STAU1: variants seen among roughly 807,000 people sequenced by gnomAD.
The protein encoded by STAU1 is staufen double-stranded RNA binding protein 1.
Under a neutral mutation model 62.9 loss-of-function variants are expected in STAU1, and 13 were observed. The ratio of observed to expected loss-of-function variants is 0.21; its 90% CI spans 0.13 to 0.33. The LOEUF (loss-of-function observed/expected upper bound fraction) is 0.33. Ranked by LOEUF, STAU1 falls within the 10% of genes least tolerant of loss-of-function variation. STAU1 has a pLI of 1.00. For missense variants in STAU1, 571 were observed against 712.1 expected (o/e 0.80, Z 2.25); for synonymous variants, 269 against 265.1 (o/e 1.01, Z -0.14).
intron 7 of STAU1, 97 bp from the exon 8 acceptor site, chr20:49,123,332 G>T (rs1568827047): frequency 6.5e-7 from 1 of 1,533,246 alleles, no homozygotes; most frequent in East Asian, 2.3e-5. Context: ...AGAGATTTTG[G>T]GTTGACCTAA....
chr20:49,115,439 T>C (rs1274189121), intron 13 of STAU1, among the ~76,000 whole-genome samples: 1 of 152,120 alleles, frequency 6.6e-6, no homozygotes, highest in African/African-American at 2.4e-5. Context: ...TAGCTGGGAT[T>C]ACAGGTGCCT....
intron 1 of STAU1, among the ~76,000 whole-genome samples, chr20:49,177,391 T>C (rs1204815359): frequency 3.3e-5 from 5 of 151,478 alleles, no homozygotes; most frequent in Admixed American, 3.3e-4. Flanking sequence ...AATTTAAAAA[T>C]TTAAGGGCCG....
At position 49,114,894 on chromosome 20, in the gene STAU1, C is replaced by G; in HGVS notation, c.1719-1G>C. ...AGAAAAGGTTCAGCACCTCCCACAC[C>G]TTTAAGGAAGAAAAATGAAAATGAC... On this transcript the variant is annotated splice_acceptor_variant, in intron 13 of 13. Coordinates refer to ENST00000371856, the MANE Select transcript of STAU1 (RefSeq NM_017453.4). LOFTEE classifies it high-confidence loss of function. The G allele has an allele frequency of 6.2e-7, 1 of 1,613,300 alleles. No homozygotes were observed. The highest frequency in any genetic ancestry group is 8.5e-7 in the Non-Finnish European group (1 of 1,179,540).
chr20:49,217,470 A>C, the STAU1 span, among the ~76,000 whole-genome samples: 3 of 152,114 alleles, frequency 2.0e-5, no homozygotes, highest in Non-Finnish European at 2.9e-5. Flanking sequence ...ACAAAGAACC[A>C]AGAACAAAAA....
chr20:49,140,176 CAA>C (rs879927630), intron 5 of STAU1, among the ~76,000 whole-genome samples: 1 of 122,874 alleles, frequency 8.1e-6, no homozygotes, highest in Admixed American at 8.2e-5. Context: ...GACTCCGTCT[CAA>C]AAAAAAAAAA....
At chr20:49,149,775 A>G (rs1408489438) in intron 5 of STAU1, among the ~76,000 whole-genome samples, 1 of 152,194 alleles carries the variant, frequency 6.6e-6, no homozygotes, top group African/African-American at 2.4e-5. Flanking sequence ...GAAAATGGAA[A>G]TGCAGCGTAA....
At position 49,157,520 on chromosome 20, in the gene STAU1, G is replaced by A. The variant is rs559861532; in HGVS notation, c.206-3449C>T. On this transcript the variant is annotated intron_variant, in intron 3 of 13. Transcript: ENST00000371856. Reference sequence around the variant, plus strand: ...TTTTTTGAGACAGTCTTGCTCTGTCGCCAGGCTGGAGTGTAGTGGCATGAT... The same window carrying A: ...TTTTTTGAGACAGTCTTGCTCTGTCACCAGGCTGGAGTGTAGTGGCATGAT... Among the ~76,000 whole-genome samples, 7 of 150,902 alleles carry A rather than the reference G, an allele frequency of 4.6e-5. No homozygotes were observed. In the East Asian group the frequency reaches 5.9e-4, roughly 13 times the overall value.
In STAU1 at chr20:49,129,660, A is replaced by G. The variant is rs1164528726; in HGVS notation, c.610-5073T>C. Among the ~76,000 whole-genome samples the G allele has an allele frequency of 1.4e-4, 18 of 131,478 alleles. 1 individual carries two copies. The highest frequency in any genetic ancestry group is 5.2e-4 in the African/African-American group (17 of 32,932). 86.3% of individuals were successfully genotyped at this position (131,478 alleles called of 152,430 possible). A position where few individuals can be genotyped will look rare whatever the true frequency, so the allele number is the denominator to read the frequency against. On this transcript the variant is annotated intron_variant, in intron 6 of 13. Transcript: ENST00000371856. ...TTTTTTTTTTTTTTTTTTTTGAGAC[A>G]GTCTCGCCCTGTCGCCCAGGTTGGA...
At chr20:49,166,797 T>C (rs1298512348) in intron 2 of STAU1, among the ~76,000 whole-genome samples, 3 of 152,112 alleles carry the variant, frequency 2.0e-5, no homozygotes, top group African/African-American at 2.4e-5. Context: ...AGAAGGAAGG[T>C]AGGATACTTC....
intron 3 of STAU1, chr20:49,159,173 A>G: frequency 9.3e-7 from 1 of 1,079,540 alleles, no homozygotes; most frequent in South Asian, 2.6e-5. Context: ...ACACAAAGTT[A>G]TTCTCGTGAA....
rs1315688750 is a variant in STAU1 at position 49,123,111 on chromosome 20, C to A, written c.947G>T (p.Arg316Leu). The stretch of plus-strand genomic sequence containing the variant: ...ACCCACCTGCATCACAAACTCCCTG[C>A]GGCGCGGGAGGCCTCGCTCTGTGAG... ...TLLTERGLPR[R>L]REFVMQVKVG... is the part of the protein sequence containing the mutation. Residue 316 changes from arginine (R) to leucine (L), a missense_variant, in exon 8 of 14, where the codon CGC becomes CTC. Around this residue, in one of 3 missense-constraint regions of STAU1, gnomAD observed 414 missense variants for 499.6 expected, o/e 0.83. Transcript: ENST00000371856. 2.9e-5 allele frequency: 47 copies of A among 1,606,816 alleles called. No individual in the cohort carries two copies. The highest frequency in any genetic ancestry group is 3.7e-5 in the Non-Finnish European group (44 of 1,176,398).
intron 1 of STAU1, among the ~76,000 whole-genome samples, chr20:49,177,637 C>T (rs2093675910): frequency 6.6e-6 from 1 of 151,996 alleles, no homozygotes; most frequent in South Asian, 2.1e-4. Context: ...CGAGATCACA[C>T]CACTGCACTC....
upstream of STAU1, among the ~76,000 whole-genome samples, chr20:49,191,406 T>C (rs1399476841): frequency 6.6e-6 from 1 of 152,168 alleles, no homozygotes. Flanking sequence ...AGTATATCTA[T>C]TAGGCTAGAA....
intron 3 of STAU1, chr20:49,158,960 C>T: frequency 1.5e-6 from 2 of 1,301,388 alleles, no homozygotes; most frequent in South Asian, 2.5e-5. Context: ...CTTCACACAT[C>T]AGGACATCAG....
intron 5 of STAU1, among the ~76,000 whole-genome samples, chr20:49,145,506 G>A (rs1043570305): frequency 2.0e-5 from 3 of 151,258 alleles, no homozygotes; most frequent in African/African-American, 7.3e-5. Context: ...GCCGAGGCAG[G>A]TGGATCACAA....
At chr20:49,163,474 G>T in intron 3 of STAU1, among the ~76,000 whole-genome samples, 1 of 143,246 alleles carries the variant, frequency 7.0e-6, no homozygotes. Flanking sequence ...TGCCCAGACT[G>T]GAGTGCGGTG....
At chr20:49,176,630 G>T (rs2093663031) in intron 1 of STAU1, among the ~76,000 whole-genome samples, 1 of 152,086 alleles carries the variant, frequency 6.6e-6, no homozygotes, top group Admixed American at 6.6e-5. Context: ...AACAGCTCAG[G>T]TTCTTTTCAT....
In STAU1 at chr20:49,117,156, G is replaced by T. The variant is rs202177433; in HGVS notation, c.1602C>A (p.Ile534=). The change falls in exon 12 of 14, where the codon ATC becomes ATA. Residue 534 remains isoleucine, a synonymous_variant. Transcript: ENST00000371856. The surrounding 1 kb of genome is among the most constrained non-coding windows in gnomAD (Gnocchi z 4.6). Reference sequence around the variant, plus strand: ...CATGGCAGGACTCCACATCCTTGCCGATACCATGGCTGATCAGAGGTGGCT... The same window carrying T: ...CATGGCAGGACTCCACATCCTTGCCTATACCATGGCTGATCAGAGGTGGCT... The part of the protein sequence containing the change: ...SSQPPLISHG[I]GKDVESCHDM... 2 of 1,614,122 alleles carry T rather than the reference G, an allele frequency of 1.2e-6. No homozygotes were observed. Among genetic ancestry groups the T allele is most frequent in the South Asian group, 2.2e-5 (2 of 91,074 alleles).
chr20:49,204,622 A>ATATATATATATGTG, the STAU1 span, among the ~76,000 whole-genome samples: 1 of 40,612 alleles, frequency 2.5e-5, no homozygotes, highest in Non-Finnish European at 4.7e-5. Flanking sequence ...ATATATATAT[A>ATATATATATATGTG]TGTGTATATA....
Sources: gnomAD v4.1 joint callset for allele counts (sites outside exome capture counted in the v4.1 genomes callset) on GRCh38, gnomAD v4.1.1 for gene constraint, gnomAD v4.1.1 regional missense constraint, Gnocchi (gnomAD v3.1) non-coding constraint, MANE v1.5 for transcripts, NCBI Gene and HGNC (gene_info 2026-07-23, HGNC 2026-07-21) for gene names.